The following TNS3 variants were observed in gnomAD, a reference collection of about 807,000 sequenced individuals.
The protein encoded by TNS3 is tensin 3, also known as tensin-3.
In TNS3, 45 loss-of-function variants were observed where a neutral mutation model predicts 140.9. That is an observed-to-expected ratio of 0.32 (90% CI 0.25 to 0.41). The LOEUF (loss-of-function observed/expected upper bound fraction) is 0.41. TNS3 is among the 10% of genes least tolerant of loss of function. The pLI is 1.00. For missense variants in TNS3, 1,716 were observed against 1,906.7 expected, an observed-to-expected ratio of 0.90 and a Z score of 1.86; for synonymous variants, 815 against 788.4, an observed-to-expected ratio of 1.03 and a Z score of -0.56.
At chr7:47,542,366 C>A (rs933712978) in intron 1 of TNS3, among the ~76,000 whole-genome samples, 2 of 152,148 alleles carry the variant, frequency 1.3e-5, no homozygotes, top group Non-Finnish European at 2.9e-5. Context: ...GGCCAGACAA[C>A]CCAAGTGAGG....
chr7:47,444,495 C>T (rs1795624784), intron 4 of TNS3, among the ~76,000 whole-genome samples: 1 of 152,236 alleles, frequency 6.6e-6, no homozygotes, highest in Non-Finnish European at 1.5e-5. Context: ...CACACAAATA[C>T]GTGACTGCTC....
intron 1 of TNS3, among the ~76,000 whole-genome samples, chr7:47,529,782 G>C (rs1340006365): frequency 6.6e-6 from 1 of 152,226 alleles, no homozygotes; most frequent in East Asian, 1.9e-4. Flanking sequence ...AAGGCTCTCA[G>C]CTATATGATA....
rs560959430 is a variant in TNS3 at position 47,337,060 on chromosome 7, G to A, written c.2650+7695C>T. Among the ~76,000 whole-genome samples, 7 of 151,614 alleles carry A rather than the reference G, an allele frequency of 4.6e-5. No homozygotes were observed. The East Asian group carries it at 7.8e-4, about 17-fold the overall frequency. On this transcript the variant is annotated intron_variant, in intron 20 of 30. Transcript: ENST00000311160. ...CACGTCATCAAGCTCCTCATCCCTCGCCATTTGTGTCTAAGTCCCTGGCCT... is the reference window on the plus strand; with the variant it reads ...CACGTCATCAAGCTCCTCATCCCTCACCATTTGTGTCTAAGTCCCTGGCCT...
At chr7:47,348,940 C>T (rs1562622013) in intron 17 of TNS3, among the ~76,000 whole-genome samples, 1 of 152,238 alleles carries the variant, frequency 6.6e-6, no homozygotes, top group Admixed American at 6.5e-5. Context: ...GACGCTTAGA[C>T]TTCTTCTAAC....
At chr7:47,480,074 T>C (rs1797359025) in intron 4 of TNS3, among the ~76,000 whole-genome samples, 1 of 152,196 alleles carries the variant, frequency 6.6e-6, no homozygotes, top group Non-Finnish European at 1.5e-5. Flanking sequence ...CGGGCGCCGC[T>C]GGCCGAGCCT....
intron 13 of TNS3, among the ~76,000 whole-genome samples, chr7:47,408,309 C>T (rs977154515): frequency 1.3e-5 from 2 of 152,206 alleles, no homozygotes; most frequent in African/African-American, 4.8e-5. Flanking sequence ...CACACCCCTT[C>T]CAAGTCCCAC....
At chr7:47,539,479 TC>T in intron 1 of TNS3, 1 of 265,548 alleles carries the variant, frequency 3.8e-6, no homozygotes, top group South Asian at 4.6e-5. Context: ...CCAGCCCCTC[TC>T]CCTGCCCCCG....
intron 20 of TNS3, 115 bp from the exon 21 acceptor site, chr7:47,305,118 C>T: frequency 1.3e-6 from 1 of 793,924 alleles, no homozygotes; most frequent in Admixed American, 4.2e-5. Context: ...GGCTTTCTGT[C>T]ATCCATGGCC....
chr7:47,427,040 C>T (rs1348814612), intron 9 of TNS3, among the ~76,000 whole-genome samples: 3 of 149,604 alleles, frequency 2.0e-5, no homozygotes, highest in African/African-American at 7.4e-5. Context: ...GCAGGAGAAT[C>T]GCTTGAACCC....
At chr7:47,399,865 A>C (rs895394061) in intron 15 of TNS3, among the ~76,000 whole-genome samples, 4 of 152,250 alleles carry the variant, frequency 2.6e-5, no homozygotes, top group Non-Finnish European at 5.9e-5. Context: ...CCACAAAAGA[A>C]ATAATCATCA....
At chr7:47,563,564 C>G (rs1440939412) in intron 1 of TNS3, among the ~76,000 whole-genome samples, 1 of 152,188 alleles carries the variant, frequency 6.6e-6, no homozygotes, top group Non-Finnish European at 1.5e-5. Flanking sequence ...ATCTCACCCC[C>G]AGGGTGTCAT....
At chr7:47,386,910 T>G (rs1034365718) in intron 16 of TNS3, among the ~76,000 whole-genome samples, 1 of 152,188 alleles carries the variant, frequency 6.6e-6, no homozygotes, top group Non-Finnish European at 1.5e-5. Flanking sequence ...GTTAAAAAAT[T>G]TAAGTAAGGA....
intron 3 of TNS3, among the ~76,000 whole-genome samples, chr7:47,484,029 G>T (rs1341975839): frequency 6.6e-6 from 1 of 152,224 alleles, no homozygotes; most frequent in African/African-American, 2.4e-5. Context: ...GGGGCGAGCA[G>T]CCCCCAGGTT....
chr7:47,301,598 A>T (rs1412203808), intron 23 of TNS3, among the ~76,000 whole-genome samples: 1 of 150,770 alleles, frequency 6.6e-6, no homozygotes, highest in South Asian at 2.1e-4. Context: ...TCAAATATTC[A>T]TTGCTCAAAA....
rs529610747 is a variant in TNS3, at chr7:47,283,125, C to T, written c.4097+572G>A. Among the ~76,000 whole-genome samples, 4 of 152,344 alleles carry T rather than the reference C, an allele frequency of 2.6e-5. No homozygotes were observed. In the East Asian group the frequency reaches 7.7e-4, roughly 29 times the overall value. On this transcript the variant is annotated intron_variant, in intron 28 of 30. Transcript: ENST00000311160. ...ACAGGCTGCACTCAGGGATGGCATT[C>T]TGGAGGGAGGGAGACAGGAACAGCC...
At chr7:47,419,760 A>G (rs1395535431) in intron 10 of TNS3, among the ~76,000 whole-genome samples, 1 of 152,126 alleles carries the variant, frequency 6.6e-6, no homozygotes, top group East Asian at 1.9e-4. Flanking sequence ...GACAACTGAC[A>G]GCTCTACCTG....
At position 47,548,457 on chromosome 7, in the gene TNS3, T is replaced by C. The variant is rs76205914; in HGVS notation, c.-264-19310A>G. ...CAACCCATCTCACTGCAACTTTCCA[T>C]AAGTCACCACCTAGCCATAGCCTGT... On this transcript the variant is annotated intron_variant, in intron 1 of 30. Transcript: ENST00000311160. Among the ~76,000 whole-genome samples the C allele has an allele frequency of 2.0e-5, 3 of 152,258 alleles. No homozygotes were observed. The East Asian group carries it at 5.8e-4, about 29-fold the overall frequency.
At chr7:47,421,721 G>T (rs1794380288) in intron 10 of TNS3, among the ~76,000 whole-genome samples, 1 of 152,154 alleles carries the variant, frequency 6.6e-6, no homozygotes. Flanking sequence ...ATGATTTGCT[G>T]AAGACAAGGA....
intron 16 of TNS3, among the ~76,000 whole-genome samples, chr7:47,379,018 C>A (rs184922109): frequency 1.3e-5 from 2 of 152,182 alleles, no homozygotes; most frequent in African/African-American, 4.8e-5. Context: ...TTTCAGGCTC[C>A]GGCGCATGGA....
Sources: gnomAD v4.1 joint callset for allele counts (sites outside exome capture counted in the v4.1 genomes callset) on GRCh38, gnomAD v4.1.1 for gene constraint, MANE v1.5 for transcripts, NCBI Gene and HGNC (gene_info 2026-07-23, HGNC 2026-07-21) for gene names.